Variants in ANKS1B observed in about 807,000 individuals in gnomAD.
The protein encoded by ANKS1B is ankyrin repeat and sterile alpha motif domain-containing protein 1B.
Under a neutral mutation model 148.3 loss-of-function variants are expected in ANKS1B, and 36 were observed. That is an observed-to-expected ratio of 0.24 (90% CI 0.19 to 0.32). The LOEUF (loss-of-function observed/expected upper bound fraction) is 0.32, where lower values mean the gene tolerates loss of function less well. ANKS1B is among the 10% of genes least tolerant of loss of function. ANKS1B has a pLI of 1.00. For missense variants in ANKS1B, 1,157 were observed against 1,542.6 expected (o/e 0.75, Z 4.19); for synonymous variants, 542 against 560.8 (o/e 0.97, Z 0.47).
chr12:99,207,824 T>C (rs1023139083), intron 14 of ANKS1B, among the ~76,000 whole-genome samples: 2 of 152,054 alleles, frequency 1.3e-5, no homozygotes, highest in African/African-American at 4.8e-5. Flanking sequence ...GAATGACTAG[T>C]TTTTCCAAAG....
chr12:99,554,389 T>A (rs2097255302), intron 9 of ANKS1B, among the ~76,000 whole-genome samples: 2 of 152,160 alleles, frequency 1.3e-5, no homozygotes. Context: ...CTCTCCCACG[T>A]TAGTATCTAA....
intron 22 of ANKS1B, chr12:98,795,020 G>A: frequency 1.3e-6 from 1 of 765,194 alleles, no homozygotes; most frequent in Non-Finnish European, 2.3e-6. Context: ...GCCCTTTGGA[G>A]ACTTGAAACT....
chr12:99,231,610 C>T (rs762437237), intron 14 of ANKS1B, among the ~76,000 whole-genome samples: 2 of 151,942 alleles, frequency 1.3e-5, no homozygotes, highest in Non-Finnish European at 2.9e-5. Flanking sequence ...TACATTTTAG[C>T]ATCCTTTTTT....
At chr12:98,998,827 C>G (rs753543650) in intron 17 of ANKS1B, among the ~76,000 whole-genome samples, 6 of 152,042 alleles carry the variant, frequency 3.9e-5, no homozygotes, top group Non-Finnish European at 7.4e-5. Flanking sequence ...CTTTGGGATA[C>G]GAAGTGATGG....
intron 8 of ANKS1B, among the ~76,000 whole-genome samples, chr12:99,751,481 G>C (rs6538934): frequency 0.67 from 101,249 of 151,762 alleles, 33,892 homozygotes; most frequent in Non-Finnish European, 0.7. Context: ...TCCTTCTGAA[G>C]AAACAGATGA....
At position 99,637,431 on chromosome 12, in the gene ANKS1B, T is replaced by C. The variant is rs370957959; in HGVS notation, c.1272+17636A>G. Reference sequence around the variant, plus strand: ...TGGTTAATACTGAATGTCAACTCGATTGGATTGAAGGATGCAAAGTATTGA... The same window carrying C: ...TGGTTAATACTGAATGTCAACTCGACTGGATTGAAGGATGCAAAGTATTGA... On this transcript the variant is annotated intron_variant, in intron 9 of 26. Transcript: ENST00000683438. 1.6e-4 allele frequency among the ~76,000 whole-genome samples: 24 copies of C among 152,290 alleles called. No homozygotes were observed. In the South Asian group the frequency reaches 2.5e-3, roughly 16 times the overall value.
rs138607902 is a variant in ANKS1B at position 99,704,538 on chromosome 12, ATACAT to A, written c.1129-49333_1129-49329del. Among the ~76,000 whole-genome samples, 1,273 of 151,494 alleles carry A rather than the reference ATACAT, an allele frequency of 8.4e-3. 22 individuals carry two copies. Among genetic ancestry groups the A allele is most frequent in the African/African-American group, 0.029 (1,216 of 41,294 alleles). ...TTTCTAGACACACACATACATACAC[ATACAT>A]TACATAATATATGCATACACATACA... On this transcript the variant is annotated intron_variant, in intron 8 of 26. Transcript: ENST00000683438.
At chr12:99,739,109 C>G (rs2059860920) in intron 8 of ANKS1B, among the ~76,000 whole-genome samples, 1 of 151,982 alleles carries the variant, frequency 6.6e-6, no homozygotes, top group Admixed American at 6.6e-5. Context: ...AATCTCTCCC[C>G]TAATCTCCCA....
At chr12:99,836,837 G>A (rs1187559544) in intron 1 of ANKS1B, among the ~76,000 whole-genome samples, 2 of 152,072 alleles carry the variant, frequency 1.3e-5, no homozygotes, top group African/African-American at 2.4e-5. Flanking sequence ...ATTGTCACAC[G>A]AACACTGATT....
downstream of ANKS1B, among the ~76,000 whole-genome samples, chr12:98,741,382 C>T (rs2097797875): frequency 6.6e-6 from 1 of 152,214 alleles, no homozygotes; most frequent in Non-Finnish European, 1.5e-5. Context: ...GCATAGACCA[C>T]ACCCAGCCCA....
intron 8 of ANKS1B, among the ~76,000 whole-genome samples, chr12:99,744,020 T>C (rs2060356480): frequency 6.6e-6 from 1 of 152,090 alleles, no homozygotes; most frequent in South Asian, 2.1e-4. Flanking sequence ...TCTTTATCCA[T>C]GGGTTCCACG....
chr12:98,955,155 C>T (rs2099860164), intron 17 of ANKS1B, among the ~76,000 whole-genome samples: 1 of 152,058 alleles, frequency 6.6e-6, no homozygotes, highest in African/African-American at 2.4e-5. Flanking sequence ...GGAATTTATA[C>T]TTAGAGGACG....
intron 12 of ANKS1B, among the ~76,000 whole-genome samples, chr12:99,248,653 G>C (rs2074184417): frequency 1.3e-5 from 2 of 152,142 alleles, no homozygotes; most frequent in Admixed American, 1.3e-4. Flanking sequence ...TCTCTCCAAA[G>C]ACTAGAGTTT....
intron 11 of ANKS1B, among the ~76,000 whole-genome samples, chr12:99,416,184 G>A (rs1053941146): frequency 2.0e-5 from 3 of 152,288 alleles, no homozygotes; most frequent in South Asian, 4.1e-4. Flanking sequence ...AAGCTGTTGT[G>A]TGTATCAATA....
chr12:99,483,982 G>T (rs1441813294), intron 10 of ANKS1B, among the ~76,000 whole-genome samples: 1 of 151,490 alleles, frequency 6.6e-6, no homozygotes, highest in Non-Finnish European at 1.5e-5. Flanking sequence ...ATATTTATTT[G>T]TTTGAATTTC....
intron 1 of ANKS1B, among the ~76,000 whole-genome samples, chr12:99,849,504 T>C (rs955733931): frequency 2.0e-5 from 3 of 152,096 alleles, no homozygotes; most frequent in South Asian, 4.1e-4. Context: ...CCTTCAAATT[T>C]GCATACTCTG....
At chr12:99,850,136 G>C (rs1266751584) in intron 1 of ANKS1B, among the ~76,000 whole-genome samples, 1 of 151,936 alleles carries the variant, frequency 6.6e-6, no homozygotes, top group African/African-American at 2.4e-5. Flanking sequence ...AAATACAATT[G>C]TTTTATGTTT....
chr12:99,495,573 T>C (rs1187222306), intron 10 of ANKS1B, among the ~76,000 whole-genome samples: 2 of 152,160 alleles, frequency 1.3e-5, no homozygotes, highest in African/African-American at 4.8e-5. Flanking sequence ...ATCATGTAGA[T>C]ATCTGCTTTA....
At chr12:99,512,559 C>T (rs2096777415) in intron 9 of ANKS1B, among the ~76,000 whole-genome samples, 1 of 151,918 alleles carries the variant, frequency 6.6e-6, no homozygotes, top group Non-Finnish European at 1.5e-5. Flanking sequence ...GGGTATATAC[C>T]CAAAGTATTA....
Sources: gnomAD v4.1 joint callset for allele counts (sites outside exome capture counted in the v4.1 genomes callset) on GRCh38, gnomAD v4.1.1 for gene constraint, MANE v1.5 for transcripts, NCBI Gene and HGNC (gene_info 2026-07-23, HGNC 2026-07-21) for gene names.